Variants in NAALADL2 observed in about 807,000 individuals in gnomAD.
NAALADL2 encodes the protein inactive N-acetylated-alpha-linked acidic dipeptidase-like protein 2.
In NAALADL2, 76 loss-of-function variants were observed where a neutral mutation model predicts 87.2. That is an observed-to-expected ratio of 0.87 (90% CI 0.72 to 1.05). The LOEUF (loss-of-function observed/expected upper bound fraction) is 1.05, where lower values mean the gene tolerates loss of function less well. NAALADL2 is among the 50% of genes least tolerant of loss of function. The pLI is 0.00. For synonymous variants in NAALADL2, 354 were observed against 331.0 expected, an observed-to-expected ratio of 1.07 and a Z score of -0.75; for missense variants, 1,089 against 945.8, an observed-to-expected ratio of 1.15 and a Z score of -1.99.
At chr3:174,485,809 C>T (rs996380542) in intron 1 of NAALADL2, among the ~76,000 whole-genome samples, 2 of 151,832 alleles carry the variant, frequency 1.3e-5, no homozygotes, top group Admixed American at 6.6e-5. Flanking sequence ...TATGCATGCC[C>T]GTTCCTGTGT....
intron 5 of NAALADL2, among the ~76,000 whole-genome samples, chr3:175,332,278 A>G (rs961863362): frequency 6.6e-6 from 1 of 152,206 alleles, no homozygotes; most frequent in Admixed American, 6.5e-5. Context: ...AATCCTGAAC[A>G]AAAAGAAGAA....
chr3:174,787,071 A>G (rs1396745482), intron 3 of NAALADL2, among the ~76,000 whole-genome samples: 1 of 151,910 alleles, frequency 6.6e-6, no homozygotes, highest in Non-Finnish European at 1.5e-5. Flanking sequence ...TTATTGCAAT[A>G]TAATAAAACC....
At chr3:175,720,619 A>G (rs1561032892) in intron 11 of NAALADL2, among the ~76,000 whole-genome samples, 1 of 152,042 alleles carries the variant, frequency 6.6e-6, no homozygotes, top group Non-Finnish European at 1.5e-5. Flanking sequence ...ATCAAATCAC[A>G]AATAGGATAT....
intron 1 of NAALADL2, among the ~76,000 whole-genome samples, chr3:174,889,982 G>C (rs1026432194): frequency 3.9e-5 from 6 of 152,284 alleles, no homozygotes; most frequent in Admixed American, 6.5e-5. Context: ...TTTCTTAAAA[G>C]AAGTAAGTAG....
At chr3:175,648,186 A>G (rs775255987) in intron 11 of NAALADL2, among the ~76,000 whole-genome samples, 13 of 152,180 alleles carry the variant, frequency 8.5e-5, no homozygotes, top group African/African-American at 1.2e-4. Context: ...GTTCCACTTT[A>G]TATTCACTTC....
chr3:174,837,945 G>T (rs756786952), intron 3 of NAALADL2, among the ~76,000 whole-genome samples: 1 of 145,016 alleles, frequency 6.9e-6, no homozygotes, highest in Non-Finnish European at 1.5e-5. Context: ...TAGAGAAAGA[G>T]AGAAACCTCC....
chr3:174,628,695 T>C (rs1330290114), intron 2 of NAALADL2, among the ~76,000 whole-genome samples: 1 of 152,156 alleles, frequency 6.6e-6, no homozygotes, highest in Non-Finnish European at 1.5e-5. Context: ...TAACCTTTTA[T>C]AGCACTATTG....
intron 9 of NAALADL2, among the ~76,000 whole-genome samples, chr3:175,477,369 A>G (rs1358617564): frequency 1.3e-5 from 2 of 152,272 alleles, no homozygotes; most frequent in African/African-American, 2.4e-5. Flanking sequence ...GACTAAAGTC[A>G]ATTCAGAATG....
chr3:174,685,617 T>C (rs1324344778), intron 2 of NAALADL2, among the ~76,000 whole-genome samples: 1 of 152,182 alleles, frequency 6.6e-6, no homozygotes, highest in African/African-American at 2.4e-5. Flanking sequence ...TCCATCCTCC[T>C]ACACTGAAGT....
chr3:174,735,846 A>C (rs1409376381), intron 2 of NAALADL2, among the ~76,000 whole-genome samples: 3 of 152,190 alleles, frequency 2.0e-5, no homozygotes, highest in Non-Finnish European at 4.4e-5. Flanking sequence ...GCTCAGGTCC[A>C]CTGGGCTCGT....
chr3:175,719,611 G>C (rs907966590), intron 11 of NAALADL2, among the ~76,000 whole-genome samples: 9 of 152,088 alleles, frequency 5.9e-5, no homozygotes, highest in African/African-American at 2.2e-4. Context: ...ACATAGAATA[G>C]GTCATGCCAC....
At chr3:175,517,366 CTAAA>C (rs1308563132) in intron 9 of NAALADL2, among the ~76,000 whole-genome samples, 3 of 151,982 alleles carry the variant, frequency 2.0e-5, no homozygotes, top group South Asian at 2.1e-4. Flanking sequence ...TCAACAAGGG[CTAAA>C]TAAAGATTCA....
At chr3:175,522,586 A>G (rs1362775155) in intron 9 of NAALADL2, among the ~76,000 whole-genome samples, 1 of 152,216 alleles carries the variant, frequency 6.6e-6, no homozygotes, top group Non-Finnish European at 1.5e-5. Context: ...GGTCTGCTCT[A>G]AGTAAGATAT....
At chr3:174,612,818 A>C (rs990661827) in intron 2 of NAALADL2, among the ~76,000 whole-genome samples, 1 of 152,068 alleles carries the variant, frequency 6.6e-6, no homozygotes, top group Admixed American at 6.5e-5. Flanking sequence ...TTATTTGGTA[A>C]GTCATGTTTT....
intron 1 of NAALADL2, among the ~76,000 whole-genome samples, chr3:174,892,921 CA>C (rs35081771): frequency 0.13 from 13,964 of 108,350 alleles, 566 homozygotes; most frequent in South Asian, 0.19. Context: ...GACTCCAACT[CA>C]AAAAAAAAAA....
At chr3:175,289,063 C>A (rs1239578707) in intron 4 of NAALADL2, among the ~76,000 whole-genome samples, 5 of 151,890 alleles carry the variant, frequency 3.3e-5, no homozygotes, top group Non-Finnish European at 5.9e-5. Flanking sequence ...TTAAATAACT[C>A]TTTTGTATGG....
chr3:175,716,371 G>A (rs1741293185), intron 11 of NAALADL2, among the ~76,000 whole-genome samples: 1 of 146,910 alleles, frequency 6.8e-6, no homozygotes, highest in South Asian at 2.1e-4. Flanking sequence ...GTGTGTATAT[G>A]TATACATATA....
chr3:174,753,841 GT>G, intron 3 of NAALADL2, among the ~76,000 whole-genome samples: 1 of 152,122 alleles, frequency 6.6e-6, no homozygotes, highest in Non-Finnish European at 1.5e-5. Flanking sequence ...AAGTAATTAG[GT>G]TAAGATGAGG....
intron 4 of NAALADL2, among the ~76,000 whole-genome samples, chr3:175,313,508 C>T (rs1758649031): frequency 1.3e-5 from 2 of 152,112 alleles, no homozygotes; most frequent in Admixed American, 6.6e-5. Context: ...AGTGGTAGTT[C>T]AGGATGCCAT....
Sources: allele counts gnomAD v4.1 joint callset (sites outside exome capture counted in the v4.1 genomes callset), GRCh38; gene constraint gnomAD v4.1.1; transcripts MANE v1.5; gene names NCBI Gene and HGNC (gene_info 2026-07-23, HGNC 2026-07-21).